Variants in GIGYF2 observed in about 807,000 individuals in gnomAD.
The protein encoded by GIGYF2 is GRB10-interacting GYF protein 2.
In GIGYF2, 25 loss-of-function variants were observed where a neutral mutation model predicts 208.1. The ratio of observed to expected loss-of-function variants is 0.12; its 90% CI spans 0.09 to 0.17. The LOEUF (loss-of-function observed/expected upper bound fraction) is 0.17. Among genes scored for constraint, GIGYF2 ranks in the 10% least tolerant of loss-of-function variants. The pLI is 1.00. For synonymous variants in GIGYF2, 534 were observed against 543.8 expected (o/e 0.98, Z 0.25); for missense variants, 1,302 against 1,579.4 (o/e 0.82, Z 2.98).
At chr2:232,831,136 G>A (rs1051620817) in intron 21 of GIGYF2, among the ~76,000 whole-genome samples, 3 of 152,270 alleles carry the variant, frequency 2.0e-5, no homozygotes, top group South Asian at 4.1e-4. Flanking sequence ...TGTAGACCTT[G>A]ATCACCTGGC....
intron 8 of GIGYF2, among the ~76,000 whole-genome samples, chr2:232,772,885 T>G (rs546889342): frequency 1.3e-5 from 2 of 152,316 alleles, no homozygotes; most frequent in South Asian, 4.1e-4. Flanking sequence ...CTCGGGACTT[T>G]GAGGCTTTGG....
chr2:232,760,195 A>G (rs995973028), intron 6 of GIGYF2: 5 of 279,098 alleles, frequency 1.8e-5, no homozygotes, highest in South Asian at 5.3e-5. Context: ...TCACTATTCA[A>G]CTGTTCGTTA....
intron 2 of GIGYF2, among the ~76,000 whole-genome samples, chr2:232,710,032 T>G (rs927420432): frequency 6.6e-6 from 1 of 151,904 alleles, no homozygotes; most frequent in Non-Finnish European, 1.5e-5. Context: ...TGATCTCAGC[T>G]CCATGCAAGC....
chr2:232,799,552 AAATAAT>A (rs55730253), intron 14 of GIGYF2, among the ~76,000 whole-genome samples: 86,409 of 146,678 alleles, frequency 0.59, 25,468 homozygotes, highest in South Asian at 0.69. Context: ...CCTGTCTTTA[AAATAAT>A]AATAATAATA....
At chr2:232,704,920 C>T (rs1341674853) in intron 2 of GIGYF2, among the ~76,000 whole-genome samples, 6 of 129,504 alleles carry the variant, frequency 4.6e-5, no homozygotes, top group East Asian at 2.4e-4. Flanking sequence ...AGTGCAGTGG[C>T]GCGATCTCTG....
intron 5 of GIGYF2, 102 bp from the exon 6 acceptor site, chr2:232,756,121 A>T: frequency 1.5e-6 from 1 of 684,182 alleles, no homozygotes; most frequent in Non-Finnish European, 2.5e-6. Flanking sequence ...TTATAGATGC[A>T]GTAGGAATGT....
chr2:232,775,998 T>G (rs1699495702), intron 8 of GIGYF2, among the ~76,000 whole-genome samples: 1 of 152,190 alleles, frequency 6.6e-6, no homozygotes, highest in African/African-American at 2.4e-5. Context: ...AATTCCATGC[T>G]TAAAAATTTA....
intron 3 of GIGYF2, among the ~76,000 whole-genome samples, chr2:232,746,370 C>T (rs1698151637): frequency 6.6e-6 from 1 of 152,078 alleles, no homozygotes; most frequent in Admixed American, 6.5e-5. Context: ...AGATTATTCC[C>T]TTCTTTTTTG....
chr2:232,844,340 A>T (rs2106424465), intron 24 of GIGYF2, 29 bp from the exon 25 acceptor site: 1 of 1,609,114 alleles, frequency 6.2e-7, no homozygotes, highest in East Asian at 2.2e-5. Context: ...ATGATTCACG[A>T]TAATCATTTT....
chr2:232,765,955 A>C (rs745319511), intron 8 of GIGYF2: 5 of 471,046 alleles, frequency 1.1e-5, no homozygotes, highest in South Asian at 1.5e-5. Flanking sequence ...GCAAGACTTC[A>C]TGACCAAGCT....
intron 3 of GIGYF2, among the ~76,000 whole-genome samples, chr2:232,738,283 A>G (rs1697826990): frequency 6.6e-6 from 1 of 152,178 alleles, no homozygotes; most frequent in Non-Finnish European, 1.5e-5. Flanking sequence ...TTAGAATAAA[A>G]AAGTATATTG....
At chr2:232,852,811 G>A (rs921625906) in intron 28 of GIGYF2, among the ~76,000 whole-genome samples, 1 of 152,200 alleles carries the variant, frequency 6.6e-6, no homozygotes, top group South Asian at 2.1e-4. Flanking sequence ...CTTGAGGATA[G>A]GCTGTTAGGG....
chr2:232,797,981 C>CA (rs57991158), intron 14 of GIGYF2, among the ~76,000 whole-genome samples: 3,337 of 102,060 alleles, frequency 0.033, 165 homozygotes, highest in African/African-American at 0.039. Flanking sequence ...ACTGTGCCTC[C>CA]AAAAAAAAAA....
At chr2:232,770,074 T>C (rs534405026) in intron 8 of GIGYF2, among the ~76,000 whole-genome samples, 22 of 152,306 alleles carry the variant, frequency 1.4e-4, no homozygotes, top group African/African-American at 4.6e-4. Flanking sequence ...ACCCCCTTAA[T>C]TGTATGCAAA....
At chr2:232,709,719 G>A (rs935228557) in intron 2 of GIGYF2, among the ~76,000 whole-genome samples, 2 of 151,824 alleles carry the variant, frequency 1.3e-5, no homozygotes, top group African/African-American at 4.8e-5. Context: ...TGAGGCAGGA[G>A]AATCCCTTGA....
chr2:232,774,654 C>T (rs1464180090), intron 8 of GIGYF2, among the ~76,000 whole-genome samples: 1 of 152,174 alleles, frequency 6.6e-6, no homozygotes, highest in Non-Finnish European at 1.5e-5. Context: ...ACAACTTTGT[C>T]ATTCTCCACT....
chr2:232,809,727 T>C lies in GIGYF2; in HGVS notation c.1814T>C (p.Leu605Pro). The change falls in exon 16 of 29, where the codon CTG (leucine) becomes CCG (proline). Residue 605 changes from leucine to proline, a missense_variant. By Grantham distance (98) the Leu-to-Pro change is moderately conservative (BLOSUM62 -3). Transcript: ENST00000373563. ...GPAPPPHMGE[L>P]DQERLTRQQE... ...TCACCACTTCATTCCTAGGGAGAGC[T>C]GGACCAGGAACGACTGACCAGGCAG... The C allele has an allele frequency of 6.2e-7, 1 of 1,600,582 alleles. No individual in the cohort carries two copies. The highest frequency in any genetic ancestry group is 1.3e-5 in the African/African-American group (1 of 74,812).
intron 3 of GIGYF2, 192 bp downstream of exon 3, chr2:232,735,430 A>T (rs959862969): frequency 4.3e-5 from 21 of 489,496 alleles, no homozygotes; most frequent in Admixed American, 1.1e-4. Flanking sequence ...CTTAATTAAA[A>T]TTTTTTTTCT....
At chr2:232,786,763 TG>T (rs919149328) in intron 8 of GIGYF2, among the ~76,000 whole-genome samples, 1 of 152,092 alleles carries the variant, frequency 6.6e-6, no homozygotes, top group African/African-American at 2.4e-5. Flanking sequence ...GTGGCGTTTG[TG>T]TGTGTGGATG....
Sources: gnomAD v4.1 joint callset for allele counts (sites outside exome capture counted in the v4.1 genomes callset) on GRCh38, gnomAD v4.1.1 for gene constraint, MANE v1.5 for transcripts, NCBI Gene and HGNC (gene_info 2026-07-23, HGNC 2026-07-21) for gene names.